Variants in CDC123 observed in about 807,000 individuals in gnomAD.
CDC123 encodes translation initiation factor eIF2 assembly protein.
In CDC123, 37 loss-of-function variants were observed where a neutral mutation model predicts 54.4. The observed-to-expected ratio is 0.68, with a 90% CI of 0.52 to 0.89. CDC123 has a LOEUF of 0.89. Ranked by LOEUF, CDC123 falls within the 40% of genes least tolerant of loss-of-function variation. The probability of loss-of-function intolerance (pLI) is 0.00; values close to 1 mark genes in which losing one functional copy is unlikely to be tolerated. For synonymous variants in CDC123, 144 were observed against 136.8 expected (o/e 1.05, Z -0.37); for missense variants, 361 against 412.1 (o/e 0.88, Z 1.07).
At chr10:12,226,911 G>A (rs1588678042) in intron 6 of CDC123, among the ~76,000 whole-genome samples, 1 of 151,824 alleles carries the variant, frequency 6.6e-6, no homozygotes, top group East Asian at 1.9e-4. Flanking sequence ...AGGCGGCTGG[G>A]AGGTGGAGGT....
Position 12,246,349 on chromosome 10 carries a change from C to A in CDC123, c.846+72C>A, listed in dbSNP as rs574365422. 2.1e-5 allele frequency: 32 copies of A among 1,554,292 alleles called. No homozygotes were observed. The South Asian group carries it at 3.2e-4, about 16-fold the overall frequency. Reference sequence around the variant, plus strand: ...TGACTGACTGCTTGTTCTTCAGACGCATAGGTAGGCGGCAATGGCCAGGAC... The same window carrying A: ...TGACTGACTGCTTGTTCTTCAGACGAATAGGTAGGCGGCAATGGCCAGGAC... On this transcript the variant is annotated intron_variant, in intron 11 of 12. Transcript: ENST00000281141.
intron 8 of CDC123, among the ~76,000 whole-genome samples, chr10:12,236,310 T>G (rs1313437835): frequency 2.0e-5 from 3 of 152,166 alleles, no homozygotes; most frequent in African/African-American, 7.2e-5. Flanking sequence ...AAATAACTGT[T>G]TCCATGGGCA....
At chr10:12,215,413 T>A (rs938913001) in intron 4 of CDC123, among the ~76,000 whole-genome samples, 1 of 152,210 alleles carries the variant, frequency 6.6e-6, no homozygotes, top group Non-Finnish European at 1.5e-5. Context: ...CTATTTTCTC[T>A]TGATGAATGC....
chr10:12,232,798 T>TC (rs1434153181), intron 7 of CDC123, among the ~76,000 whole-genome samples: 2 of 151,794 alleles, frequency 1.3e-5, no homozygotes, highest in Non-Finnish European at 2.9e-5. Context: ...CTTTTTTTTT[T>TC]TCTGAGACAG....
At chr10:12,200,125 T>C (rs1835421637) in intron 2 of CDC123, among the ~76,000 whole-genome samples, 1 of 116,152 alleles carries the variant, frequency 8.6e-6, no homozygotes, top group African/African-American at 4.4e-5. Flanking sequence ...TCGGCATTTT[T>C]TTTTTTTTTT....
chr10:12,235,027 T>C, intron 7 of CDC123, 21 bp from the exon 8 acceptor site: 1 of 1,599,486 alleles, frequency 6.3e-7, no homozygotes, highest in Non-Finnish European at 8.6e-7. Context: ...TTATATTAAA[T>C]ATTTTTTCTT....
At chr10:12,235,539 A>T (rs1835968113) in intron 8 of CDC123, among the ~76,000 whole-genome samples, 1 of 152,354 alleles carries the variant, frequency 6.6e-6, no homozygotes, top group African/African-American at 2.4e-5. Context: ...AGCAAGAGAA[A>T]ATATGTGGAC....
rs140376771 is a variant in CDC123 at position 12,237,082 on chromosome 10, C to T, written c.566-62C>T. ...TTCTTTCCACAAAATGTTTAAATCA[C>T]GTATTGATGTTTTTGAAAAGAATAT... is the stretch of plus-strand genomic sequence containing the variant. On this transcript the variant is annotated intron_variant, in intron 8 of 12. Transcript: ENST00000281141. The T allele has an allele frequency of 3.7e-4, 531 of 1,437,502 alleles. 2 individuals carry two copies. In the African/African-American group the frequency reaches 6.2e-3, roughly 17 times the overall value. 89.0% of individuals were successfully genotyped at this position (1,437,502 alleles called of 1,614,324 possible).
intron 2 of CDC123, among the ~76,000 whole-genome samples, chr10:12,204,443 T>C (rs566367059): frequency 6.6e-6 from 1 of 152,340 alleles, no homozygotes; most frequent in South Asian, 2.1e-4. Flanking sequence ...GTGTATAAGA[T>C]GTATGTGACA....
chr10:12,200,953 T>C (rs945117667), intron 2 of CDC123, among the ~76,000 whole-genome samples: 12 of 152,050 alleles, frequency 7.9e-5, no homozygotes, highest in African/African-American at 2.7e-4. Context: ...AAAGTACTGT[T>C]AAACAACACG....
chr10:12,244,193 G>C (rs1397054610), intron 10 of CDC123, among the ~76,000 whole-genome samples: 3 of 152,228 alleles, frequency 2.0e-5, no homozygotes, highest in South Asian at 4.1e-4. Flanking sequence ...CTGAGAAACA[G>C]TGCCAGATAT....
chr10:12,241,661 C>G (rs1015771577), intron 10 of CDC123, among the ~76,000 whole-genome samples: 1 of 152,012 alleles, frequency 6.6e-6, no homozygotes, highest in African/African-American at 2.4e-5. Flanking sequence ...TATTTATTTA[C>G]TTTGAGTTCA....
chr10:12,249,565 TTTC>T lies in CDC123; in HGVS notation c.847-10_847-8del, dbSNP rs1333929537. ...TAAATGATTGATATTCTTTCTCCTT[TTTC>T]TTCTTTGTACAGGATTCCCCAGCTT... On this transcript the variant is annotated splice_polypyrimidine_tract_variant and intron_variant, in intron 11 of 12. Coordinates refer to ENST00000281141, the MANE Select transcript of CDC123 (RefSeq NM_006023.3). 1.2e-6 allele frequency: 2 copies of T among 1,601,728 alleles called. No homozygotes were observed. The highest frequency in any genetic ancestry group is 1.3e-5 in the African/African-American group (1 of 74,172).
intron 4 of CDC123, among the ~76,000 whole-genome samples, chr10:12,212,512 A>C (rs1312367532): frequency 6.6e-6 from 1 of 152,196 alleles, no homozygotes; most frequent in Non-Finnish European, 1.5e-5. Flanking sequence ...AAATTCCAAA[A>C]CTTTTTAAAA....
chr10:12,203,497 G>C (rs1835471550), intron 2 of CDC123, among the ~76,000 whole-genome samples: 1 of 152,166 alleles, frequency 6.6e-6, no homozygotes, highest in African/African-American at 2.4e-5. Context: ...GTGATATGTA[G>C]AGGATTCTGA....
Position 12,196,312 on chromosome 10 carries a change from A to T in CDC123, c.67A>T (p.Ile23Phe). ...GTACCCGTTCTTCCGAGGCGTTACC[A>T]TCAAGAGGTGAGATGGGAGGGGGTT... ...AWYPFFRGVT[I>F]KSVILPLPQN... The change falls in exon 1 of 13, where the codon ATC (isoleucine) becomes TTC (phenylalanine). Residue 23 changes from isoleucine to phenylalanine, a missense_variant. Physicochemically the swap from Ile to Phe is conservative, Grantham distance 21. Transcript: ENST00000281141. 6.2e-7 allele frequency: 1 copy of T among 1,612,382 alleles called. No individual in the cohort carries two copies. The highest frequency in any genetic ancestry group is 8.5e-7 in the Non-Finnish European group (1 of 1,179,092).
rs1836227117 is a variant in CDC123, at chr10:12,250,506, C to T, written c.*169C>T. ...TGGGGAAAAAAACGGAGGGACTTTG[C>T]TACTTGTAAAAATAACATAATAAAT... On this transcript the variant is annotated 3_prime_UTR_variant, in exon 13 of 13. Coordinates refer to ENST00000281141, the MANE Select transcript of CDC123 (RefSeq NM_006023.3). 1 of 689,690 alleles carries T rather than the reference C, an allele frequency of 1.4e-6. No individual in the cohort carries two copies. The highest frequency in any genetic ancestry group is 1.8e-5 in the African/African-American group (1 of 55,942). 42.7% of individuals were successfully genotyped at this position (689,690 alleles called of 1,614,324 possible).
intron 10 of CDC123, 74 bp from the exon 11 acceptor site, chr10:12,246,074 TA>T: frequency 1.3e-6 from 2 of 1,507,698 alleles, no homozygotes. Flanking sequence ...TGTCTCAGAA[TA>T]AAAAAGTGTT....
At chr10:12,200,751 G>A (rs1835428634) in intron 2 of CDC123, among the ~76,000 whole-genome samples, 2 of 152,096 alleles carry the variant, frequency 1.3e-5, no homozygotes, top group African/African-American at 4.8e-5. Flanking sequence ...TGACCAACAT[G>A]GTGAAACCTC....
Sources: allele counts gnomAD v4.1 joint callset (sites outside exome capture counted in the v4.1 genomes callset), GRCh38; gene constraint gnomAD v4.1.1; transcripts MANE v1.5; gene names NCBI Gene and HGNC (gene_info 2026-07-23, HGNC 2026-07-21).